The following FAM234A variants were observed in gnomAD, a reference collection of about 807,000 sequenced individuals.
FAM234A encodes the protein family with sequence similarity 234 member A.
In FAM234A, 42 loss-of-function variants were observed where a neutral mutation model predicts 49.1. The ratio of observed to expected loss-of-function variants is 0.86; its 90% CI spans 0.67 to 1.11. FAM234A has a LOEUF of 1.11. FAM234A is among the 50% of genes least tolerant of loss of function. FAM234A has a pLI of 0.00. For synonymous variants in FAM234A, 369 were observed against 316.2 expected (o/e 1.17, Z -1.77); for missense variants, 815 against 745.2 (o/e 1.09, Z -1.09).
intron 1 of FAM234A, among the ~76,000 whole-genome samples, chr16:237,598 C>A (rs2050448449): frequency 6.6e-6 from 1 of 152,064 alleles, no homozygotes; most frequent in African/African-American, 2.4e-5. Flanking sequence ...CAGTTCCTTG[C>A]ATCATGGAAC....
At chr16:251,874 A>G (rs897048605) in intron 2 of FAM234A, among the ~76,000 whole-genome samples, 17 of 150,474 alleles carry the variant, frequency 1.1e-4, no homozygotes, top group Non-Finnish European at 1.6e-4. Context: ...ATGGTGGCGG[A>G]CGCCCATAGT....
At position 234,849 on chromosome 16, in the gene FAM234A, C is replaced by G. The variant is rs1426070873; in HGVS notation, c.-148C>G. On this transcript the variant is annotated 5_prime_UTR_variant, in exon 1 of 13. Coordinates refer to ENST00000399932, the MANE Select transcript of FAM234A (RefSeq NM_032039.4). ...AGCGGCGCGGTCGGGTGAGAGGCCG[C>G]GGCGGCAGGTGAGTGAGCGCGGCCT... is the stretch of plus-strand genomic sequence containing the variant. The G allele has an allele frequency of 1.3e-5, 2 of 152,482 alleles. No homozygotes were observed. Among genetic ancestry groups the G allele is most frequent in the Non-Finnish European group, 2.9e-5 (2 of 68,198 alleles). 9.4% of individuals were successfully genotyped at this position (152,482 alleles called of 1,614,324 possible).
intron 3 of FAM234A, among the ~76,000 whole-genome samples, chr16:255,814 C>T (rs891004039): frequency 1.3e-5 from 2 of 152,160 alleles, no homozygotes; most frequent in African/African-American, 4.8e-5. Flanking sequence ...CAGGCATGCA[C>T]CACCACGCCC....
chr16:254,314 C>A, intron 2 of FAM234A, 67 bp from the exon 3 acceptor site: 1 of 1,351,672 alleles, frequency 7.4e-7, no homozygotes, highest in Non-Finnish European at 1.0e-6. Context: ...GCCAGCAGAC[C>A]CCTCTGTGCT....
chr16:267,005 C>T (rs530105103), downstream of FAM234A, among the ~76,000 whole-genome samples: 25 of 152,210 alleles, frequency 1.6e-4, no homozygotes, highest in Admixed American at 7.8e-4. Context: ...CCTGAGAAGC[C>T]GGAGTTGAGG....
At chr16:251,962 C>T (rs2141262085) in intron 2 of FAM234A, among the ~76,000 whole-genome samples, 1 of 144,136 alleles carries the variant, frequency 6.9e-6, no homozygotes, top group Admixed American at 6.9e-5. Flanking sequence ...AAGATCATGC[C>T]ACTGCACTCT....
intron 11 of FAM234A, 109 bp downstream of exon 11, chr16:264,280 C>A: frequency 1.7e-6 from 2 of 1,192,702 alleles, no homozygotes; most frequent in Non-Finnish European, 2.3e-6. Flanking sequence ...GGCAACCTCA[C>A]ATAAGTTGAA....
intron 1 of FAM234A, chr16:248,457 A>G (rs559138965): frequency 6.6e-6 from 1 of 152,076 alleles, no homozygotes; most frequent in South Asian, 2.1e-4. Flanking sequence ...TAACTCGACC[A>G]TTCTAGTCAC....
intron 3 of FAM234A, among the ~76,000 whole-genome samples, chr16:257,801 C>T (rs890776983): frequency 7.2e-5 from 11 of 152,014 alleles, no homozygotes; most frequent in Non-Finnish European, 1.3e-4. Context: ...GCCTGGGCAA[C>T]GTAGCCAGAC....
Position 265,276 on chromosome 16 carries a change from A to G in FAM234A, c.*254A>G, listed in dbSNP as rs2051654016. 5 of 1,314,906 alleles carry G rather than the reference A, an allele frequency of 3.8e-6. No individual in the cohort carries two copies. The highest frequency in any genetic ancestry group is 4.8e-6 in the Non-Finnish European group (5 of 1,031,596). The allele number at this position is 1,314,906 out of a possible 1,614,324, so 81.5% of individuals were successfully genotyped here. A position where few individuals can be genotyped will look rare whatever the true frequency, so the allele number is the denominator to read the frequency against. On this transcript the variant is annotated 3_prime_UTR_variant, in exon 13 of 13. Transcript: ENST00000399932. ...CACACAGGGCCTCACTCTGCACCCCACCAGGGTCCCGCTCACACCAGGCAG... is the reference window on the plus strand; with the variant it reads ...CACACAGGGCCTCACTCTGCACCCCGCCAGGGTCCCGCTCACACCAGGCAG...
At chr16:252,002 C>CA (rs1203781848) in intron 2 of FAM234A, among the ~76,000 whole-genome samples, 1,376 of 47,710 alleles carry the variant, frequency 0.029, 38 homozygotes, top group African/African-American at 0.073. Flanking sequence ...GACTCCGTCT[C>CA]AAAAAAAAAA....
chr16:257,525 C>T (rs1477856406), intron 3 of FAM234A, among the ~76,000 whole-genome samples: 3 of 152,200 alleles, frequency 2.0e-5, no homozygotes, highest in East Asian at 3.9e-4. Flanking sequence ...GGATTACAGG[C>T]GTGAGCCACC....
In FAM234A at chr16:261,503, G is replaced by A. The variant is rs779255204; in HGVS notation, c.697G>A (p.Glu233Lys). 2 of 1,604,722 alleles carry A rather than the reference G, an allele frequency of 1.2e-6. No homozygotes were observed. Among genetic ancestry groups the A allele is most frequent in the South Asian group, 1.1e-5 (1 of 90,184 alleles). ...GAPDLLVLTQEREEVSGHLYS... is the reference protein window; with the variant it reads ...GAPDLLVLTQKREEVSGHLYS... Reference sequence around the variant, plus strand: ...CCCAGACCTGCTGGTTCTCACCCAGGAGCGGGAGGAGGTACATCCCAGCCT... The same window carrying A: ...CCCAGACCTGCTGGTTCTCACCCAGAAGCGGGAGGAGGTACATCCCAGCCT... The change falls in exon 6 of 13, where the codon GAG becomes AAG. Residue 233 changes from glutamate to lysine, a missense_variant. Transcript: ENST00000399932.
intron 2 of FAM234A, among the ~76,000 whole-genome samples, chr16:252,291 C>T (rs1186862463): frequency 6.6e-6 from 1 of 151,046 alleles, no homozygotes; most frequent in Non-Finnish European, 1.5e-5. Flanking sequence ...AAGCCATTCT[C>T]CTGCCTCAGC....
At chr16:266,144 T>C (rs771590354), downstream of FAM234A, 1 of 944,506 alleles carries the variant, frequency 1.1e-6, no homozygotes, top group Non-Finnish European at 1.3e-6. Context: ...TGCCTGTCTG[T>C]CTGCTCCCTA....
chr16:269,274 C>A (rs1398917380), downstream of FAM234A: 1 of 1,564,928 alleles, frequency 6.4e-7, no homozygotes, highest in African/African-American at 1.3e-5. Context: ...GTCCACTAGG[C>A]CACCCCATCT....
chr16:267,298 A>G (rs545704295), downstream of FAM234A, among the ~76,000 whole-genome samples: 15 of 152,046 alleles, frequency 9.9e-5, no homozygotes, highest in Non-Finnish European at 1.8e-4. Flanking sequence ...CCACCAGAGC[A>G]CAGTGCCCTG....
At chr16:235,066 C>T (rs935460725) in intron 1 of FAM234A, among the ~76,000 whole-genome samples, 2 of 152,242 alleles carry the variant, frequency 1.3e-5, no homozygotes, top group East Asian at 3.9e-4. Flanking sequence ...GGGTCGGCAG[C>T]AGCGCCTCTG....
chr16:268,276 C>T (rs148164179), downstream of FAM234A: 26 of 227,774 alleles, frequency 1.1e-4, no homozygotes, highest in African/African-American at 5.1e-4. Context: ...TCACATGCAC[C>T]GTCACACCAT....
Sources: gnomAD v4.1 joint callset for allele counts (sites outside exome capture counted in the v4.1 genomes callset) on GRCh38, gnomAD v4.1.1 for gene constraint, MANE v1.5 for transcripts, NCBI Gene and HGNC (gene_info 2026-07-23, HGNC 2026-07-21) for gene names.